Variants in PCDHA2 observed in about 807,000 individuals in gnomAD.
The protein encoded by PCDHA2 is protocadherin alpha-2.
In PCDHA2, 58 loss-of-function variants were observed where a neutral mutation model predicts 66.0. That is an observed-to-expected ratio of 0.88 (90% CI 0.71 to 1.09). The LOEUF is 1.09. Ranked by LOEUF, PCDHA2 falls within the 50% of genes least tolerant of loss-of-function variation. PCDHA2 has a pLI of 0.00. For synonymous variants in PCDHA2, 634 were observed against 554.0 expected, an observed-to-expected ratio of 1.14 and a Z score of -2.03; for missense variants, 1,267 against 1,242.3, an observed-to-expected ratio of 1.02 and a Z score of -0.30.
At chr5:140,882,361 C>T (rs2059095511) in intron 1 of PCDHA2, 1 of 1,614,204 alleles carries the variant, frequency 6.2e-7, no homozygotes, top group Non-Finnish European at 8.5e-7. Context: ...GTGGCCAGCT[C>T]CACTACTCCG....
chr5:140,990,198 C>T (rs954813003), intron 3 of PCDHA2, among the ~76,000 whole-genome samples: 5 of 151,968 alleles, frequency 3.3e-5, no homozygotes, highest in South Asian at 2.1e-4. Context: ...AATGTGGACC[C>T]GAAAGAGAAC....
chr5:140,876,718 G>C, intron 1 of PCDHA2: 1 of 1,614,242 alleles, frequency 6.2e-7, no homozygotes, highest in Non-Finnish European at 8.5e-7. Context: ...CCTGGACCGC[G>C]AGAGCGTGTC....
At chr5:140,931,044 CT>C (rs781930381) in intron 1 of PCDHA2, among the ~76,000 whole-genome samples, 67 of 152,264 alleles carry the variant, frequency 4.4e-4, no homozygotes, top group South Asian at 2.7e-3. Flanking sequence ...GCAAGAAAAA[CT>C]TCAATGCTGT....
At position 141,001,667 on chromosome 5, in the gene PCDHA2, A is replaced by G. The variant is rs949508860; in HGVS notation, c.2537-7960A>G. ...GTGTGGGAGAAGGCGGAGCTTGTCC[A>G]GTCGGTCCAACAAACCCCACAGATG... is the stretch of plus-strand genomic sequence containing the variant. On this transcript the variant is annotated intron_variant, in intron 3 of 3. Coordinates refer to ENST00000526136, the MANE Select transcript of PCDHA2 (RefSeq NM_018905.3). Among the ~76,000 whole-genome samples, 9 of 152,268 alleles carry G rather than the reference A, an allele frequency of 5.9e-5. 1 individual carries two copies. In the East Asian group the frequency reaches 1.7e-3, roughly 29 times the overall value.
intron 1 of PCDHA2, among the ~76,000 whole-genome samples, chr5:140,872,635 C>T (rs1172137990): frequency 6.6e-6 from 1 of 152,028 alleles, no homozygotes; most frequent in Non-Finnish European, 1.5e-5. Context: ...GATTTTGTTC[C>T]ATGAAAAGGC....
chr5:140,941,876 C>T (rs1293978062), intron 1 of PCDHA2, among the ~76,000 whole-genome samples: 1 of 152,166 alleles, frequency 6.6e-6, no homozygotes, highest in Non-Finnish European at 1.5e-5. Flanking sequence ...GTTCTATCAC[C>T]AGTGACTAGC....
In PCDHA2 at chr5:140,795,402, G is replaced by T; in HGVS notation, c.438G>T (p.Arg146Ser). 2.5e-6 allele frequency: 4 copies of T among 1,614,172 alleles called. No homozygotes were observed. The highest frequency in any genetic ancestry group is 3.4e-6 in the Non-Finnish European group (4 of 1,180,036). The change falls in exon 1 of 4, where the codon AGG (arginine) becomes AGT (serine). Residue 146 changes from arginine to serine, a missense_variant. Physicochemically the swap from Arg to Ser is moderately radical, Grantham distance 110. Transcript: ENST00000526136. Reference protein sequence around the residue: ...TVKTIRFPESRLLDSRFPLEG... With the variant: ...TVKTIRFPESSLLDSRFPLEG... ...AGACTATCCGGTTTCCCGAATCAAG[G>T]CTGCTTGATTCTCGGTTTCCTCTAG...
At position 140,795,977 on chromosome 5, in the gene PCDHA2, T is replaced by C. The variant is rs781944142; in HGVS notation, c.1013T>C (p.Leu338Ser). Residue 338 changes from leucine to serine, a missense_variant, in exon 1 of 4, where the codon TTA (leucine) becomes TCA (serine). Coordinates refer to ENST00000526136, the MANE Select transcript of PCDHA2 (RefSeq NM_018905.3). The part of the protein sequence containing the change: ...PSMSGHCKIS[L>S]KLVDINDNTP... Reference sequence around the variant, plus strand: ...ATGTCAGGACATTGTAAAATTTCATTAAAACTTGTGGACATCAATGATAAC... The same window carrying C: ...ATGTCAGGACATTGTAAAATTTCATCAAAACTTGTGGACATCAATGATAAC... The C allele has an allele frequency of 6.2e-7, 1 of 1,614,018 alleles. No homozygotes were observed. The highest frequency in any genetic ancestry group is 8.5e-7 in the Non-Finnish European group (1 of 1,180,000).
chr5:140,978,849 T>C, intron 1 of PCDHA2, 100 bp from the exon 2 acceptor site: 7 of 1,577,036 alleles, frequency 4.4e-6, no homozygotes, highest in Non-Finnish European at 5.2e-6. Flanking sequence ...CTTTTTTAGA[T>C]GCCTGGAAAT....
At position 140,829,501 on chromosome 5, in the gene PCDHA2, G is replaced by C. The variant is rs2150169011; in HGVS notation, c.2388+32149G>C. 1.4e-5 allele frequency: 23 copies of C among 1,613,442 alleles called. No individual in the cohort carries two copies. The East Asian group carries it at 2.2e-4, about 16-fold the overall frequency. ...TGTTCGTGAAGGAGAACAACCCGCC[G>C]GGCTGCCACATCTTCACGGTGTCTG... On this transcript the variant is annotated intron_variant, in intron 1 of 3. Transcript: ENST00000526136.
chr5:140,914,364 A>T lies in PCDHA2; in HGVS notation c.2389-64585A>T, dbSNP rs1256559741. 2.0e-5 allele frequency among the ~76,000 whole-genome samples: 3 copies of T among 152,096 alleles called. No individual in the cohort carries two copies. The East Asian group carries it at 5.8e-4, about 29-fold the overall frequency. On this transcript the variant is annotated intron_variant, in intron 1 of 3. Transcript: ENST00000526136. ...CTCTTTTTGGAGTTTTTGTCTTGAG[A>T]TCTATTTTATCTGTTATAAGTGTAG...
chr5:140,887,101 C>CT (rs200717289), intron 1 of PCDHA2, among the ~76,000 whole-genome samples: 1,545 of 145,196 alleles, frequency 0.011, 15 homozygotes, highest in African/African-American at 0.022. Flanking sequence ...ATCTTTATCT[C>CT]TTTTTTTTTT....
At chr5:140,809,567 G>A in intron 1 of PCDHA2, 1 of 1,605,950 alleles carries the variant, frequency 6.2e-7, no homozygotes, top group Non-Finnish European at 8.5e-7. Flanking sequence ...GGAATCCTTT[G>A]CAAAGGTTAG....
Position 140,795,956 on chromosome 5 carries a change from C to G in PCDHA2, c.992C>G (p.Ser331Ter). The change falls in exon 1 of 4, where the codon TCA becomes TGA. Residue 331 changes from serine to a stop codon, truncating the protein, a stop_gained. Transcript: ENST00000526136. LOFTEE classifies it high-confidence loss of function. ...ACTGACAAAGGAACCCCTTCAATGT[C>G]AGGACATTGTAAAATTTCATTAAAA... Reference protein sequence around the residue: ...TATDKGTPSMSGHCKISLKLV... With the variant: ...TATDKGTPSM 1 of 1,614,090 alleles carries G rather than the reference C, an allele frequency of 6.2e-7. No individual in the cohort carries two copies. The highest frequency in any genetic ancestry group is 8.5e-7 in the Non-Finnish European group (1 of 1,179,988).
chr5:140,987,034 C>T (rs782321957), intron 3 of PCDHA2, among the ~76,000 whole-genome samples: 12 of 151,770 alleles, frequency 7.9e-5, no homozygotes, highest in Non-Finnish European at 1.6e-4. Context: ...GTCAACATGG[C>T]GAAACCCCAT....
chr5:140,882,717 C>G (rs1311295002), intron 1 of PCDHA2: 1 of 1,614,102 alleles, frequency 6.2e-7, no homozygotes, highest in South Asian at 1.1e-5. Flanking sequence ...CCTCCGGAAA[C>G]TCGATTTCCA....
intron 1 of PCDHA2, among the ~76,000 whole-genome samples, chr5:140,950,831 TTAAGAC>T (rs1337916001): frequency 6.6e-6 from 1 of 152,128 alleles, no homozygotes; most frequent in Non-Finnish European, 1.5e-5. Flanking sequence ...GTTTGGTCCT[TTAAGAC>T]TATACATTTC....
At chr5:140,927,641 CTG>C (rs782418145) in intron 1 of PCDHA2, 23 of 1,614,074 alleles carry the variant, frequency 1.4e-5, no homozygotes, top group Non-Finnish European at 1.4e-5. Flanking sequence ...CCCAATGGGA[CTG>C]TGTTATTCCG....
intron 1 of PCDHA2, chr5:140,797,559 A>G (rs1343145417): frequency 2.9e-6 from 2 of 699,328 alleles, no homozygotes; most frequent in Non-Finnish European, 4.7e-6. Flanking sequence ...TTATTTTTAC[A>G]TTTTGGCACT....
Sources: allele counts gnomAD v4.1 joint callset (sites outside exome capture counted in the v4.1 genomes callset), GRCh38; gene constraint gnomAD v4.1.1; transcripts MANE v1.5; gene names NCBI Gene and HGNC (gene_info 2026-07-23, HGNC 2026-07-21).